Variants in MMAA observed in about 807,000 individuals in gnomAD.
The protein encoded by MMAA is metabolism of cobalamin associated A.
A neutral mutation model predicts 45.0 loss-of-function variants in MMAA; 41 were observed. That is an observed-to-expected ratio of 0.91 (90% CI 0.71 to 1.18). The LOEUF (loss-of-function observed/expected upper bound fraction) is 1.18, where lower values mean the gene tolerates loss of function less well. MMAA is among the 50% of genes most tolerant of loss of function. MMAA has a pLI of 0.00. For synonymous variants in MMAA, 154 were observed against 178.2 expected, an observed-to-expected ratio of 0.86 and a Z score of 1.08; for missense variants, 460 against 495.7, an observed-to-expected ratio of 0.93 and a Z score of 0.68.
At chr4:145,655,097 T>A in intron 6 of MMAA, 50 bp from the exon 7 acceptor site, 1 of 1,609,530 alleles carries the variant, frequency 6.2e-7, no homozygotes, top group Non-Finnish European at 8.5e-7. Context: ...CCTGTAAAAA[T>A]TTTTTCTATC....
intron 1 of MMAA, among the ~76,000 whole-genome samples, chr4:145,635,218 C>G (rs1359744127): frequency 6.6e-6 from 1 of 152,174 alleles, no homozygotes; most frequent in Admixed American, 6.5e-5. Flanking sequence ...CCCACAGTGG[C>G]TAGGCTTCTG....
chr4:145,649,125 CAAAAAAA>C (rs201679920), intron 4 of MMAA, among the ~76,000 whole-genome samples: 103 of 89,886 alleles, frequency 1.1e-3, no homozygotes, highest in South Asian at 3.2e-3. Flanking sequence ...TTGGTTCTAT[CAAAAAAA>C]AAAAAAAAAA....
In MMAA at chr4:145,656,661, A is replaced by T. The variant is rs375194713; in HGVS notation, c.*1227A>T. ...AATTCTTTGAATATGTTTTATACTT[A>T]TTTGATGGTAGTTGTAACTGTGTAC... is the stretch of plus-strand genomic sequence containing the variant. On this transcript the variant is annotated 3_prime_UTR_variant, in exon 7 of 7. Coordinates refer to ENST00000649156, the MANE Select transcript of MMAA (RefSeq NM_172250.3). 9.8e-5 allele frequency: 15 copies of T among 152,306 alleles called. No homozygotes were observed. The East Asian group carries it at 1.7e-3, about 18-fold the overall frequency. The allele number at this position is 152,306 out of a possible 1,614,324, so 9.4% of individuals were successfully genotyped here.
intron 1 of MMAA, among the ~76,000 whole-genome samples, chr4:145,629,186 A>G (rs1054781335): frequency 1.3e-5 from 2 of 152,154 alleles, no homozygotes; most frequent in African/African-American, 2.4e-5. Flanking sequence ...GCTGGAGTGC[A>G]GTGGCACGAT....
chr4:145,653,891 TATGG>T, intron 5 of MMAA, 99 bp from the exon 6 acceptor site: 13 of 1,220,184 alleles, frequency 1.1e-5, no homozygotes, highest in Non-Finnish European at 1.5e-5. Context: ...CTTAGGAGGA[TATGG>T]ATGAAAAGTT....
chr4:145,633,497 C>T (rs190253681), intron 1 of MMAA, among the ~76,000 whole-genome samples: 3 of 152,252 alleles, frequency 2.0e-5, no homozygotes, highest in Non-Finnish European at 4.4e-5. Context: ...CACATTCAGT[C>T]GTGTCTTGAA....
intron 1 of MMAA, among the ~76,000 whole-genome samples, chr4:145,634,261 G>T (rs1363591246): frequency 6.6e-6 from 1 of 152,134 alleles, no homozygotes; most frequent in African/African-American, 2.4e-5. Context: ...GGCTAAGCTG[G>T]TGTTCAAACC....
At chr4:145,642,743 C>G (rs1449161771) in intron 3 of MMAA, 3 of 459,904 alleles carry the variant, frequency 6.5e-6, no homozygotes, top group Non-Finnish European at 1.2e-5. Context: ...TGAAGATGAT[C>G]AAATGCAAAT....
At chr4:145,620,873 T>A (rs9998804) in intron 1 of MMAA, among the ~76,000 whole-genome samples, 2,044 of 152,306 alleles carry the variant, frequency 0.013, 57 homozygotes, top group African/African-American at 0.047. Context: ...TGGAAGATAG[T>A]AAACTCTCCT....
chr4:145,649,870 C>T (rs1326016880), intron 4 of MMAA, among the ~76,000 whole-genome samples: 1 of 152,082 alleles, frequency 6.6e-6, no homozygotes, highest in Non-Finnish European at 1.5e-5. Flanking sequence ...CTCCCAGGCT[C>T]AGGTTCAAGC....
chr4:145,625,962 C>T, intron 1 of MMAA: 1 of 1,572,778 alleles, frequency 6.4e-7, no homozygotes, highest in Non-Finnish European at 8.7e-7. Flanking sequence ...CTCCAAGTCC[C>T]TCCGTGCATC....
rs1183752525 is a variant in MMAA, at chr4:145,655,477, A to G, written c.*43A>G. ...AATAATTTTACATATCATTTCATAA[A>G]GTATTTTAATAGAAAAATCACTTGT... On this transcript the variant is annotated 3_prime_UTR_variant, in exon 7 of 7. Transcript: ENST00000649156. The G allele has an allele frequency of 1.3e-6, 2 of 1,522,976 alleles. No homozygotes were observed. Among genetic ancestry groups the G allele is most frequent in the East Asian group, 2.3e-5 (1 of 42,848 alleles). 94.3% of individuals were successfully genotyped at this position (1,522,976 alleles called of 1,614,324 possible).
rs1254511485 is a variant in MMAA at position 145,639,390 on chromosome 4, G to A, written c.251G>A (p.Arg84Lys). 2 of 1,614,062 alleles carry A rather than the reference G, an allele frequency of 1.2e-6. No homozygotes were observed. Among genetic ancestry groups the A allele is most frequent in the African/African-American group, 2.7e-5 (2 of 74,924 alleles). The change falls in exon 2 of 7, where the codon AGA (arginine) becomes AAA (lysine). Residue 84 changes from arginine (R) to lysine (K), a missense_variant. Coordinates refer to ENST00000649156, the MANE Select transcript of MMAA (RefSeq NM_172250.3). ...GAAGGACTTTCTGATAAAGAGCAAAGATTTGTGGATAAACTTTATACTGGT... is the reference window on the plus strand; with the variant it reads ...GAAGGACTTTCTGATAAAGAGCAAAAATTTGTGGATAAACTTTATACTGGT... ...HTEGLSDKEQ[R>K]FVDKLYTGLI...
chr4:145,639,154 A>G lies in MMAA; in HGVS notation c.15A>G (p.Leu5=), dbSNP rs755914586. 1.2e-6 allele frequency: 2 copies of G among 1,614,042 alleles called. No homozygotes were observed. The highest frequency in any genetic ancestry group is 2.7e-5 in the African/African-American group (2 of 74,932). ...ATAAAACGAATATGCCCATGCTGCT[A>G]CCACATCCTCACCAGCATTTCCTAA... MPML[L]PHPHQHFLKG... Residue 5 remains leucine, a synonymous_variant, in exon 2 of 7, where the codon CTA becomes CTG. Transcript: ENST00000649156.
intron 1 of MMAA, among the ~76,000 whole-genome samples, chr4:145,634,495 G>A (rs942577696): frequency 2.0e-5 from 3 of 151,704 alleles, no homozygotes; most frequent in African/African-American, 7.3e-5. Flanking sequence ...GTCCAGAAAT[G>A]CCATCCAAGA....
At chr4:145,649,710 A>G (rs1041653343) in intron 4 of MMAA, among the ~76,000 whole-genome samples, 6 of 152,174 alleles carry the variant, frequency 3.9e-5, no homozygotes, top group African/African-American at 1.4e-4. Context: ...AAGAATAAAT[A>G]TTAAATAGGC....
chr4:145,654,192 A>G, intron 6 of MMAA, 49 bp downstream of exon 6: 1 of 1,606,556 alleles, frequency 6.2e-7, no homozygotes, highest in Non-Finnish European at 8.5e-7. Context: ...GATTGTGTAC[A>G]TTAGAAGACA....
chr4:145,624,329 C>G, intron 1 of MMAA: 3 of 789,380 alleles, frequency 3.8e-6, no homozygotes, highest in Non-Finnish European at 7.0e-6. Context: ...GAAGCAGTCA[C>G]TTGTCTTCTC....
chr4:145,627,677 A>C (rs1395499448), intron 1 of MMAA, among the ~76,000 whole-genome samples: 1 of 152,152 alleles, frequency 6.6e-6, no homozygotes, highest in Admixed American at 6.5e-5. Context: ...AACTGCCTGG[A>C]GAAGGTGGGG....
Sources: allele counts gnomAD v4.1 joint callset (sites outside exome capture counted in the v4.1 genomes callset), GRCh38; gene constraint gnomAD v4.1.1; transcripts MANE v1.5; gene names NCBI Gene and HGNC (gene_info 2026-07-23, HGNC 2026-07-21).